The following MAP4K5 variants were observed in gnomAD, a reference collection of about 807,000 sequenced individuals.
MAP4K5 encodes MAPK/ERK kinase kinase kinase 5.
MAP4K5 carries 82 observed loss-of-function variants against 135.6 expected under a neutral mutation model. That is an observed-to-expected ratio of 0.60 (90% CI 0.51 to 0.73). The LOEUF is 0.73. Among genes scored for constraint, MAP4K5 ranks in the 30% least tolerant of loss-of-function variants. MAP4K5 has a pLI of 0.00. For missense variants in MAP4K5, 907 were observed against 1,010.9 expected (o/e 0.90, Z 1.39); for synonymous variants, 347 against 335.0 (o/e 1.04, Z -0.39).
chr14:50,420,407 G>A (rs1322199321), intron 32 of MAP4K5, among the ~76,000 whole-genome samples: 2 of 152,062 alleles, frequency 1.3e-5, no homozygotes, highest in South Asian at 2.1e-4. Context: ...GAGGCAGGGG[G>A]ATCGCTTGAG....
At chr14:50,456,659 T>G (rs1280966667) in intron 13 of MAP4K5, 65 bp from the exon 14 acceptor site, 1 of 958,252 alleles carries the variant, frequency 1.0e-6, no homozygotes, top group African/African-American at 1.7e-5. Context: ...AAGGTCAAAC[T>G]TTCTTATCAT....
intron 2 of MAP4K5, among the ~76,000 whole-genome samples, chr14:50,522,414 A>G (rs180894366): frequency 1.5e-3 from 229 of 152,300 alleles, no homozygotes; most frequent in Non-Finnish European, 2.5e-3. Flanking sequence ...CATTAGAACC[A>G]TATTTTCTCT....
chr14:50,454,852 A>C (rs938629166), intron 14 of MAP4K5, among the ~76,000 whole-genome samples: 2 of 152,038 alleles, frequency 1.3e-5, no homozygotes, highest in Non-Finnish European at 2.9e-5. Flanking sequence ...GGAAGAAGGC[A>C]CAATAGCCAA....
At chr14:50,512,064 C>G (rs1566687491) in intron 2 of MAP4K5, among the ~76,000 whole-genome samples, 1 of 152,018 alleles carries the variant, frequency 6.6e-6, no homozygotes, top group African/African-American at 2.4e-5. Context: ...AATAATATAT[C>G]AATATTGGTT....
intron 3 of MAP4K5, among the ~76,000 whole-genome samples, chr14:50,495,543 C>G (rs1329301976): frequency 1.3e-5 from 2 of 152,168 alleles, no homozygotes; most frequent in Non-Finnish European, 2.9e-5. Flanking sequence ...TATCATATGA[C>G]CAATTCATGC....
In MAP4K5 at chr14:50,523,309, C is replaced by T. The variant is rs190966876; in HGVS notation, c.108+8633G>A. Reference sequence around the variant, plus strand: ...CTGGGCAACAAGAGCGAAACTCTGTCTCAAAAAAAAAAATCATAAATAAAT... The same window carrying T: ...CTGGGCAACAAGAGCGAAACTCTGTTTCAAAAAAAAAAATCATAAATAAAT... On this transcript the variant is annotated intron_variant, in intron 2 of 32. Transcript: ENST00000682126. 5.3e-3 allele frequency among the ~76,000 whole-genome samples: 810 copies of T among 151,516 alleles called. 13 individuals are homozygous for T. Among genetic ancestry groups the T allele is most frequent in the Non-Finnish European group, 4.5e-3 (305 of 67,906 alleles).
At chr14:50,487,201 G>C (rs1241027890) in intron 3 of MAP4K5, among the ~76,000 whole-genome samples, 1 of 152,084 alleles carries the variant, frequency 6.6e-6, no homozygotes, top group African/African-American at 2.4e-5. Flanking sequence ...CCAGCTACTC[G>C]GGAGGCTAAG....
At chr14:50,441,172 T>A (rs1340302114) in intron 21 of MAP4K5, among the ~76,000 whole-genome samples, 1 of 152,186 alleles carries the variant, frequency 6.6e-6, no homozygotes, top group Non-Finnish European at 1.5e-5. Flanking sequence ...CAACAGATTG[T>A]CAATGGATGC....
intron 9 of MAP4K5, among the ~76,000 whole-genome samples, chr14:50,471,397 A>AT (rs1419600635): frequency 1.3e-5 from 2 of 152,198 alleles, no homozygotes; most frequent in East Asian, 3.8e-4. Flanking sequence ...GCCCCTAGCC[A>AT]TGACCTGCAG....
In MAP4K5 at chr14:50,419,818, T is replaced by A. The variant is rs1029319404; in HGVS notation, c.*201A>T. 3 of 472,638 alleles carry A rather than the reference T, an allele frequency of 6.3e-6. No homozygotes were observed. The highest frequency in any genetic ancestry group is 5.8e-5 in the African/African-American group (3 of 51,990). The allele number at this position is 472,638 out of a possible 1,614,324, so 29.3% of individuals were successfully genotyped here. ...TAGCTTTTATTAAGCAAACTTGATA[T>A]AACCACCACACAGTGGCAAGAGATA... On this transcript the variant is annotated 3_prime_UTR_variant, in exon 33 of 33. Transcript: ENST00000682126.
At chr14:50,504,730 G>C (rs952366478) in intron 3 of MAP4K5, 70 bp downstream of exon 3, 2 of 1,109,226 alleles carry the variant, frequency 1.8e-6, no homozygotes, top group African/African-American at 3.2e-5. Context: ...GACTTCTTCT[G>C]GGAAGAAGGG....
At chr14:50,552,400 A>T (rs1308175565) in intron 1 of MAP4K5, among the ~76,000 whole-genome samples, 1 of 152,256 alleles carries the variant, frequency 6.6e-6, no homozygotes, top group East Asian at 1.9e-4. Flanking sequence ...TCCCATGCTC[A>T]TGAATAGGTA....
intron 14 of MAP4K5, among the ~76,000 whole-genome samples, chr14:50,453,753 A>G (rs749653698): frequency 2.6e-5 from 4 of 152,104 alleles, no homozygotes; most frequent in African/African-American, 4.8e-5. Flanking sequence ...CCTACTTTGC[A>G]TTAAGTCATC....
At chr14:50,468,870 AG>A in intron 9 of MAP4K5, 88 bp from the exon 10 acceptor site, 1 of 1,262,936 alleles carries the variant, frequency 7.9e-7, no homozygotes, top group African/African-American at 1.5e-5. Flanking sequence ...GACTTGTTGG[AG>A]GGAAGGAAGC....
At position 50,425,855 on chromosome 14, in the gene MAP4K5, G is replaced by A. The variant is rs762293328; in HGVS notation, c.2397+52C>T. On this transcript the variant is annotated intron_variant, in intron 31 of 32. Coordinates refer to ENST00000682126, the MANE Select transcript of MAP4K5 (RefSeq NM_006575.6). The stretch of plus-strand genomic sequence containing the variant: ...AGGAAATGCATAAAACGAGTGCTTC[G>A]ACATTTAAAATTGTTAGTGGGAGTC... The A allele has an allele frequency of 3.7e-4, 469 of 1,279,448 alleles. 1 individual carries two copies. The highest frequency in any genetic ancestry group is 5.0e-4 in the Non-Finnish European group (448 of 887,332). The allele number at this position is 1,279,448 out of a possible 1,614,324, so 79.3% of individuals were successfully genotyped here. A position where few individuals can be genotyped will look rare whatever the true frequency, so the allele number is the denominator to read the frequency against.
intron 21 of MAP4K5, among the ~76,000 whole-genome samples, chr14:50,441,214 T>G (rs916325625): frequency 6.6e-6 from 1 of 152,122 alleles, no homozygotes; most frequent in Non-Finnish European, 1.5e-5. Flanking sequence ...TGAATGGCAA[T>G]AGTATAATTA....
intron 6 of MAP4K5, among the ~76,000 whole-genome samples, chr14:50,480,558 T>C (rs577982798): frequency 6.6e-6 from 1 of 152,292 alleles, no homozygotes; most frequent in African/African-American, 2.4e-5. Flanking sequence ...ACATGTGATG[T>C]TTGTCTTTCT....
chr14:50,536,638 T>C (rs1364853428), upstream of MAP4K5, among the ~76,000 whole-genome samples: 1 of 152,092 alleles, frequency 6.6e-6, no homozygotes, highest in Non-Finnish European at 1.5e-5. Context: ...ATGCTAATAG[T>C]GATATAACAA....
chr14:50,471,553 A>G (rs1449331182), intron 9 of MAP4K5, among the ~76,000 whole-genome samples: 1 of 152,204 alleles, frequency 6.6e-6, no homozygotes, highest in Non-Finnish European at 1.5e-5. Context: ...TTTCAAAAAC[A>G]TAACTAACAG....
Sources: allele counts gnomAD v4.1 joint callset (sites outside exome capture counted in the v4.1 genomes callset), GRCh38; gene constraint gnomAD v4.1.1; transcripts MANE v1.5; gene names NCBI Gene and HGNC (gene_info 2026-07-23, HGNC 2026-07-21).